Variants in SLC43A2 observed in about 807,000 individuals in gnomAD.
SLC43A2 encodes the protein solute carrier family 43 member 2.
In SLC43A2, 38 loss-of-function variants were observed where a neutral mutation model predicts 63.2. The observed-to-expected ratio is 0.60, with a 90% confidence interval of 0.46 to 0.79. The LOEUF (loss-of-function observed/expected upper bound fraction) is 0.79, where lower values mean the gene tolerates loss of function less well. Ranked by LOEUF, SLC43A2 falls within the 30% of genes least tolerant of loss-of-function variation. The pLI is 0.00. For missense variants in SLC43A2, 644 were observed against 756.2 expected, an observed-to-expected ratio of 0.85 and a Z score of 1.74; for synonymous variants, 322 against 331.0, an observed-to-expected ratio of 0.97 and a Z score of 0.30.
chr17:1,595,453 T>A, intron 5 of SLC43A2, among the ~76,000 whole-genome samples: 1 of 151,970 alleles, frequency 6.6e-6, no homozygotes, highest in Non-Finnish European at 1.5e-5. Flanking sequence ...GCTAGTGGTT[T>A]TTTTTTTGGA....
chr17:1,618,185 G>T (rs1419012446), intron 2 of SLC43A2, among the ~76,000 whole-genome samples: 1 of 152,222 alleles, frequency 6.6e-6, no homozygotes, highest in African/African-American at 2.4e-5. Flanking sequence ...TGGCCAAGGA[G>T]CCCCGCCGGG....
At position 1,591,679 on chromosome 17, in the gene SLC43A2, G is replaced by A. The variant is rs1372736264; in HGVS notation, c.615C>T (p.Val205=). 7.7e-7 allele frequency: 1 copy of A among 1,299,134 alleles called. No individual in the cohort carries two copies. The highest frequency in any genetic ancestry group is 1.6e-5 in the African/African-American group (1 of 62,096). 80.5% of individuals were successfully genotyped at this position (1,299,134 alleles called of 1,614,324 possible). Residue 205 remains valine (V), a synonymous_variant, in exon 7 of 14, where the codon GTC becomes GTT. Coordinates refer to ENST00000301335, the MANE Select transcript of SLC43A2 (RefSeq NM_152346.3). ...PGIKLIYDAG[V]SFIVVLVVWA... ...AGACCACGAGGACGACGATGAAGGA[G>A]ACACCAGCATCATAGATGAGCTGAC...
chr17:1,587,910 C>G (rs1163971596), intron 9 of SLC43A2, among the ~76,000 whole-genome samples: 5 of 152,224 alleles, frequency 3.3e-5, no homozygotes, highest in Admixed American at 2.0e-4. Flanking sequence ...TACCCTGCTC[C>G]CATTTTCAGG....
intron 4 of SLC43A2, 88 bp from the exon 5 acceptor site, chr17:1,613,359 C>T: frequency 8.3e-7 from 1 of 1,205,890 alleles, no homozygotes; most frequent in Non-Finnish European, 1.2e-6. Flanking sequence ...GCGGTGCAGG[C>T]TCCCAGTAAA....
In SLC43A2 at chr17:1,591,289, T is replaced by C. The variant is rs973571669; in HGVS notation, c.911A>G (p.Lys304Arg). Residue 304 changes from lysine (K) to arginine (R), a missense_variant, in exon 8 of 14, where the codon AAG becomes AGG. Physicochemically the swap from Lys to Arg is conservative, Grantham distance 26 (BLOSUM62 2). Coordinates refer to ENST00000301335, the MANE Select transcript of SLC43A2 (RefSeq NM_152346.3). Reference sequence around the variant, plus strand: ...GGTACCTGCGGCATCCGGCTGGCACTTCACCTCCAGGTCGACGGTGGACAG... The same window carrying C: ...GGTACCTGCGGCATCCGGCTGGCACCTCACCTCCAGGTCGACGGTGGACAG... Reference protein sequence around the residue: ...LCLSTVDLEVKCQPDAAVAPS... With the variant: ...LCLSTVDLEVRCQPDAAVAPS... 4 of 1,605,462 alleles carry C rather than the reference T, an allele frequency of 2.5e-6. No homozygotes were observed. In the Admixed American group the frequency reaches 5.0e-5, roughly 20 times the overall value.
rs2076058966 is a variant in SLC43A2 at position 1,583,915 on chromosome 17, A to G, written c.1218-579T>C. On this transcript the variant is annotated intron_variant, in intron 10 of 13. Transcript: ENST00000301335. The surrounding 1 kb of genome is among the most constrained non-coding windows in gnomAD (Gnocchi z 5.5). The stretch of plus-strand genomic sequence containing the variant: ...TTTTTGTTCTTTGGGTTTTTTTTTG[A>G]GATGGAGTCTCGCTCTGTCACCCGG... Among the ~76,000 whole-genome samples the G allele has an allele frequency of 1.3e-5, 2 of 150,956 alleles. No individual in the cohort carries two copies. The highest frequency in any genetic ancestry group is 6.6e-5 in the Admixed American group (1 of 15,172).
rs1363003668 is a variant in SLC43A2 at position 1,616,465 on chromosome 17, A to G, written c.368+97T>C. 5 of 1,228,212 alleles carry G rather than the reference A, an allele frequency of 4.1e-6. No individual in the cohort carries two copies. The African/African-American group carries it at 6.0e-5, about 15-fold the overall frequency. The allele number at this position is 1,228,212 out of a possible 1,614,324, so 76.1% of individuals were successfully genotyped here. A position where few individuals can be genotyped will look rare whatever the true frequency, so the allele number is the denominator to read the frequency against. On this transcript the variant is annotated intron_variant, in intron 3 of 13. Coordinates refer to ENST00000301335, the MANE Select transcript of SLC43A2 (RefSeq NM_152346.3). Reference sequence around the variant, plus strand: ...GGGCCTTCAGGGAGCTCCACAGTACACCTGATATCAGGTACGACCAGGATA... The same window carrying G: ...GGGCCTTCAGGGAGCTCCACAGTACGCCTGATATCAGGTACGACCAGGATA...
At chr17:1,601,695 CATTGAGACTACCCCAGACA>C in intron 5 of SLC43A2, among the ~76,000 whole-genome samples, 1 of 151,690 alleles carries the variant, frequency 6.6e-6, no homozygotes, top group Non-Finnish European at 1.5e-5. Context: ...CAGAGTCCTG[CATTGAGACTACCCCAGACA>C]TGTACTGCCC....
chr17:1,616,865 G>T, intron 2 of SLC43A2, 96 bp from the exon 3 acceptor site: 1 of 1,407,548 alleles, frequency 7.1e-7, no homozygotes, highest in Non-Finnish European at 9.7e-7. Flanking sequence ...CCCCCACTGG[G>T]AATGCCAGGG....
intron 2 of SLC43A2, among the ~76,000 whole-genome samples, chr17:1,625,494 T>A (rs969040528): frequency 1.5e-4 from 23 of 152,228 alleles, no homozygotes; most frequent in African/African-American, 5.3e-4. Context: ...AAATGGCCTA[T>A]CTGCTTCTCT....
At chr17:1,579,582 G>A (rs1226974081) in intron 11 of SLC43A2, among the ~76,000 whole-genome samples, 1 of 152,076 alleles carries the variant, frequency 6.6e-6, no homozygotes, top group East Asian at 1.9e-4. Flanking sequence ...GCTCACACCT[G>A]TAATCCCCAC....
At chr17:1,594,750 G>A (rs565077444) in intron 5 of SLC43A2, among the ~76,000 whole-genome samples, 27 of 151,538 alleles carry the variant, frequency 1.8e-4, no homozygotes, top group Non-Finnish European at 2.1e-4. Flanking sequence ...ACCACACCCG[G>A]CTAATTTTTT....
intron 5 of SLC43A2, among the ~76,000 whole-genome samples, chr17:1,608,644 T>C (rs1186692382): frequency 6.6e-6 from 1 of 152,190 alleles, no homozygotes; most frequent in African/African-American, 2.4e-5. Context: ...TCCACCCACC[T>C]TGGCCTCCCA....
intron 5 of SLC43A2, chr17:1,604,642 GAGAC>G: frequency 7.6e-7 from 1 of 1,323,412 alleles, no homozygotes; most frequent in South Asian, 1.3e-5. Flanking sequence ...CTGAGCAGCT[GAGAC>G]TACAGGGGGA....
chr17:1,586,203 G>A, intron 9 of SLC43A2, 152 bp from the exon 10 acceptor site: 1 of 1,236,012 alleles, frequency 8.1e-7, no homozygotes, highest in South Asian at 1.6e-5. Context: ...GGAGCCCGGA[G>A]ACCTTAACTC....
Position 1,627,888 on chromosome 17 carries a change from G to T in SLC43A2, c.-14C>A. ...GGTGGGCGCCATGGTGCGGCGCGGC[G>T]CGGCTCCGGCTCCGGCTCCGGCTCT... On this transcript the variant is annotated 5_prime_UTR_variant, in exon 2 of 14. Transcript: ENST00000301335. 6.5e-7 allele frequency: 1 copy of T among 1,547,002 alleles called. No homozygotes were observed. The highest frequency in any genetic ancestry group is 8.7e-7 in the Non-Finnish European group (1 of 1,146,830).
chr17:1,598,770 G>A lies in SLC43A2; in HGVS notation c.502-5491C>T, dbSNP rs140301754. On this transcript the variant is annotated intron_variant, in intron 5 of 13. Coordinates refer to ENST00000301335, the MANE Select transcript of SLC43A2 (RefSeq NM_152346.3). ...TTCTCCCCAGCACTAGATCCAGGAT[G>A]GGGAAGAGCAGAACCTGGGGAAGAG... Among the ~76,000 whole-genome samples, 589 of 152,250 alleles carry A rather than the reference G, an allele frequency of 3.9e-3. 1 individual carries two copies. Among genetic ancestry groups the A allele is most frequent in the East Asian group, 0.019 (98 of 5,164 alleles).
At chr17:1,589,374 A>C (rs1290549829) in intron 9 of SLC43A2, among the ~76,000 whole-genome samples, 1 of 151,806 alleles carries the variant, frequency 6.6e-6, no homozygotes, top group African/African-American at 2.4e-5. Context: ...GGAGGCCAAG[A>C]GGGGAGGATC....
At chr17:1,604,640 C>A in intron 5 of SLC43A2, 1 of 1,302,908 alleles carries the variant, frequency 7.7e-7, no homozygotes, top group South Asian at 1.3e-5. Flanking sequence ...TCCTGAGCAG[C>A]TGAGACTACA....
Sources: allele counts gnomAD v4.1 joint callset (sites outside exome capture counted in the v4.1 genomes callset), GRCh38; gene constraint gnomAD v4.1.1; non-coding constraint Gnocchi (gnomAD v3.1); transcripts MANE v1.5; gene names NCBI Gene and HGNC (gene_info 2026-07-23, HGNC 2026-07-21).